MTSS1: variants seen among roughly 807,000 people sequenced by gnomAD.
MTSS1 encodes MTSS I-BAR domain containing 1.
MTSS1 carries 18 observed loss-of-function variants against 79.0 expected under a neutral mutation model. The ratio of observed to expected loss-of-function variants is 0.23; its 90% CI spans 0.16 to 0.34. The LOEUF (loss-of-function observed/expected upper bound fraction) is 0.34, where lower values mean the gene tolerates loss of function less well. MTSS1 is among the 10% of genes least tolerant of loss of function. MTSS1 has a pLI of 1.00. For synonymous variants in MTSS1, 341 were observed against 368.6 expected (o/e 0.93, Z 0.86); for missense variants, 815 against 986.2 (o/e 0.83, Z 2.33).
At chr8:124,623,831 G>A (rs944060003) in intron 3 of MTSS1, among the ~76,000 whole-genome samples, 1 of 152,168 alleles carries the variant, frequency 6.6e-6, no homozygotes, top group African/African-American at 2.4e-5. Context: ...GTAGAGACCG[G>A]GTTTCACTAT....
In MTSS1 at chr8:124,588,272, C is replaced by T. The variant is rs527285650; in HGVS notation, c.385+1348G>A. 1.4e-3 allele frequency among the ~76,000 whole-genome samples: 209 copies of T among 152,274 alleles called. 4 individuals carry two copies. The highest frequency in any genetic ancestry group is 2.7e-3 in the East Asian group (14 of 5,186). ...CCACCATTCACACTCCCAGAGCACC[C>T]GGTTGGGTCTTCATTGCAGTCTTCT... is the stretch of plus-strand genomic sequence containing the variant. On this transcript the variant is annotated intron_variant, in intron 5 of 13. Coordinates refer to ENST00000518547, the MANE Select transcript of MTSS1 (RefSeq NM_014751.6).
intron 1 of MTSS1, among the ~76,000 whole-genome samples, chr8:124,715,748 G>A (rs575672403): frequency 6.6e-6 from 1 of 152,254 alleles, no homozygotes; most frequent in Non-Finnish European, 1.5e-5. Context: ...GGGCGCTGAG[G>A]TGTAGCCATA....
chr8:124,563,943 C>CA lies in MTSS1; in HGVS notation c.825-952dup, dbSNP rs550904363. On this transcript the variant is annotated intron_variant, in intron 9 of 13. Coordinates refer to ENST00000518547, the MANE Select transcript of MTSS1 (RefSeq NM_014751.6). ...GTCAGGAGTTCAAGACTAGCCTGGC[C>CA]AATACGGTGAAACCCCGCCTCTGAT... Among the ~76,000 whole-genome samples the CA allele has an allele frequency of 1.7e-3, 252 of 152,168 alleles. 7 individuals are homozygous for CA. In the East Asian group the frequency reaches 0.033, roughly 20 times the overall value.
chr8:124,699,892 T>C (rs1829453890), intron 2 of MTSS1, among the ~76,000 whole-genome samples: 1 of 152,160 alleles, frequency 6.6e-6, no homozygotes, highest in African/African-American at 2.4e-5. Flanking sequence ...CACGCCTGTA[T>C]TCCTGGCACT....
chr8:124,722,783 T>C (rs1833134847), intron 1 of MTSS1, among the ~76,000 whole-genome samples: 1 of 152,180 alleles, frequency 6.6e-6, no homozygotes, highest in South Asian at 2.1e-4. Context: ...GAGGTATTTC[T>C]TTGTTTTTGC....
chr8:124,621,153 G>A (rs1347988607), intron 3 of MTSS1, among the ~76,000 whole-genome samples: 1 of 152,140 alleles, frequency 6.6e-6, no homozygotes, highest in Non-Finnish European at 1.5e-5. Flanking sequence ...AGAAAACAAT[G>A]ACAATACTGC....
At chr8:124,645,098 T>G (rs1818759788) in intron 3 of MTSS1, among the ~76,000 whole-genome samples, 1 of 152,172 alleles carries the variant, frequency 6.6e-6, no homozygotes, top group South Asian at 2.1e-4. Context: ...CCAGGTGCAG[T>G]GGCTCACACC....
At chr8:124,568,637 T>C (rs1198320497) in intron 6 of MTSS1, 101 bp from the exon 7 acceptor site, 2 of 1,546,798 alleles carry the variant, frequency 1.3e-6, no homozygotes, top group Non-Finnish European at 1.8e-6. Flanking sequence ...AACCACAATT[T>C]TCCAGGATGT....
intron 3 of MTSS1, among the ~76,000 whole-genome samples, chr8:124,642,639 C>G (rs547948252): frequency 1.3e-5 from 2 of 152,182 alleles, no homozygotes; most frequent in South Asian, 4.2e-4. Flanking sequence ...GTTGCCCAGT[C>G]TGCATTGCAA....
At chr8:124,583,646 TCCTTTTCACCAAACTCCCAAA>T (rs1830409551) in intron 6 of MTSS1, among the ~76,000 whole-genome samples, 1 of 152,118 alleles carries the variant, frequency 6.6e-6, no homozygotes, top group Admixed American at 6.6e-5. Context: ...TCTTCCTTCA[TCCTTTTCACCAAACTCCCAAA>T]CCTTTTCTAA....
intron 1 of MTSS1, among the ~76,000 whole-genome samples, chr8:124,706,836 T>C (rs1830446101): frequency 6.6e-6 from 1 of 152,166 alleles, no homozygotes; most frequent in African/African-American, 2.4e-5. Flanking sequence ...GGACTCCAAT[T>C]ATGACACCCA....
intron 6 of MTSS1, chr8:124,568,770 G>T: frequency 6.9e-7 from 1 of 1,455,904 alleles, no homozygotes; most frequent in Non-Finnish European, 9.0e-7. Context: ...CAAGGAAAAT[G>T]TCCTGGGGCA....
intron 3 of MTSS1, among the ~76,000 whole-genome samples, chr8:124,655,310 T>C (rs186063194): frequency 1.9e-3 from 292 of 152,368 alleles, no homozygotes; most frequent in African/African-American, 6.8e-3. Context: ...ACACATTAGA[T>C]GCTGACTCTG....
rs1830282766 is a variant in MTSS1, at chr8:124,582,899, A to T, written c.460+2188T>A. Among the ~76,000 whole-genome samples the T allele has an allele frequency of 6.6e-6, 1 of 152,254 alleles. No individual in the cohort carries two copies. Among genetic ancestry groups the T allele is most frequent in the Non-Finnish European group, 1.5e-5 (1 of 68,042 alleles). Reference sequence around the variant, plus strand: ...CATATGCCTCCTAGGAGAGCTCTCCATAAAAGATTCCAGTCCGAATGTGAC... The same window carrying T: ...CATATGCCTCCTAGGAGAGCTCTCCTTAAAAGATTCCAGTCCGAATGTGAC... On this transcript the variant is annotated intron_variant, in intron 6 of 13. Coordinates refer to ENST00000518547, the MANE Select transcript of MTSS1 (RefSeq NM_014751.6). This position sits in a 1 kb window ranked among gnomAD's most constrained non-coding sequence, Gnocchi z 4.8.
At chr8:124,605,170 C>A (rs558749794) in intron 3 of MTSS1, among the ~76,000 whole-genome samples, 1 of 152,174 alleles carries the variant, frequency 6.6e-6, no homozygotes, top group Non-Finnish European at 1.5e-5. Flanking sequence ...CATCTGCCAC[C>A]ATGAACCCCC....
rs187048327 is a variant in MTSS1 at position 124,647,972 on chromosome 8, C to A, written c.208+51554G>T. Among the ~76,000 whole-genome samples, 222 of 152,330 alleles carry A rather than the reference C, an allele frequency of 1.5e-3. 1 individual carries two copies. Among genetic ancestry groups the A allele is most frequent in the African/African-American group, 4.9e-3 (203 of 41,574 alleles). On this transcript the variant is annotated intron_variant, in intron 3 of 13. Transcript: ENST00000518547. Reference sequence around the variant, plus strand: ...TTAAAAACAAATGTCTCCAATCAACCTAGCGTTTCAAGAGTAGCAAGGGGA... The same window carrying A: ...TTAAAAACAAATGTCTCCAATCAACATAGCGTTTCAAGAGTAGCAAGGGGA...
intron 12 of MTSS1, 128 bp downstream of exon 12, chr8:124,556,104 G>T (rs1326864065): frequency 7.7e-6 from 12 of 1,556,780 alleles, no homozygotes; most frequent in Non-Finnish European, 1.0e-5. Flanking sequence ...TGTAGAGCAG[G>T]AAGTCAGGGA....
chr8:124,558,094 C>T, intron 10 of MTSS1: 1 of 491,850 alleles, frequency 2.0e-6, no homozygotes, highest in Non-Finnish European at 3.6e-6. Flanking sequence ...AAATAAGCAT[C>T]TATGTTTGAC....
At position 124,647,154 on chromosome 8, in the gene MTSS1, CT is replaced by C. The variant is rs375391274; in HGVS notation, c.208+52371del. Reference sequence around the variant, plus strand: ...CATGAGCCACCACGCAGTCATTCCTCTTTAAATAAAAGGAATTTACCTACAT... The same window carrying C: ...CATGAGCCACCACGCAGTCATTCCTCTTAAATAAAAGGAATTTACCTACAT... On this transcript the variant is annotated intron_variant, in intron 3 of 13. Coordinates refer to ENST00000518547, the MANE Select transcript of MTSS1 (RefSeq NM_014751.6). Among the ~76,000 whole-genome samples, 460 of 152,312 alleles carry C rather than the reference CT, an allele frequency of 3.0e-3. 7 individuals carry two copies. Among genetic ancestry groups the C allele is most frequent in the Middle Eastern group, 0.017 (5 of 294 alleles).
Sources: allele counts gnomAD v4.1 joint callset (sites outside exome capture counted in the v4.1 genomes callset), GRCh38; gene constraint gnomAD v4.1.1; non-coding constraint Gnocchi (gnomAD v3.1); transcripts MANE v1.5; gene names NCBI Gene and HGNC (gene_info 2026-07-23, HGNC 2026-07-21).